Variants in ZNF92 observed in about 807,000 individuals in gnomAD.
ZNF92 encodes the protein zinc finger protein 92.
ZNF92 carries 11 observed loss-of-function variants against 12.4 expected under a neutral mutation model. The ratio of observed to expected loss-of-function variants is 0.89; its 90% CI spans 0.56 to 1.47. The LOEUF (loss-of-function observed/expected upper bound fraction) is 1.47. Ranked by LOEUF, ZNF92 falls within the 40% of genes most tolerant of loss-of-function variation. The pLI, the probability that ZNF92 is intolerant of heterozygous loss-of-function variation, is 0.00. For synonymous variants in ZNF92, 206 were observed against 228.6 expected (o/e 0.90, Z 0.89); for missense variants, 622 against 681.0 (o/e 0.91, Z 0.96).
At chr7:65,391,242 C>G (rs935068826) in intron 3 of ZNF92, among the ~76,000 whole-genome samples, 3 of 152,084 alleles carry the variant, frequency 2.0e-5, no homozygotes, top group African/African-American at 4.8e-5. Context: ...AGCCATGATG[C>G]CTGGCTCTCT....
At chr7:65,383,184 A>T (rs1410286789) in intron 1 of ZNF92, among the ~76,000 whole-genome samples, 8 of 152,112 alleles carry the variant, frequency 5.3e-5, no homozygotes, top group African/African-American at 1.9e-4. Context: ...CTCCCAGTTT[A>T]CAATCTTCAA....
At chr7:65,381,924 G>A (rs1793430033) in intron 1 of ZNF92, among the ~76,000 whole-genome samples, 1 of 152,034 alleles carries the variant, frequency 6.6e-6, no homozygotes, top group African/African-American at 2.4e-5. Flanking sequence ...TGTTGCTGTG[G>A]TAGTGCTCAG....
Position 65,399,319 on chromosome 7 carries a change from G to A in ZNF92, c.1205G>A (p.Cys402Tyr). ...GAAAAACCCTACAAATGTGAAGAAT[G>A]TGGCAAAGCTTTTAAACAGTCCTCA... is the stretch of plus-strand genomic sequence containing the variant. The part of the protein sequence containing the change: ...TGEKPYKCEE[C>Y]GKAFKQSSTL... The change falls in exon 4 of 4, where the codon TGT (cysteine) becomes TAT (tyrosine). Residue 402 changes from cysteine (C) to tyrosine (Y), a missense_variant. Cys to Tyr is a radical substitution (Grantham distance 194). Coordinates refer to ENST00000328747, the MANE Select transcript of ZNF92 (RefSeq NM_152626.4). The A allele has an allele frequency of 6.2e-7, 1 of 1,613,056 alleles. No homozygotes were observed. Among genetic ancestry groups the A allele is most frequent in the Non-Finnish European group, 8.5e-7 (1 of 1,179,554 alleles).
chr7:65,387,470 C>G (rs1024266736), intron 1 of ZNF92, among the ~76,000 whole-genome samples: 39 of 151,562 alleles, frequency 2.6e-4, no homozygotes, highest in Middle Eastern at 3.4e-3. Context: ...TGGTGATCTT[C>G]TTAGAAATTA....
At chr7:65,390,909 G>C (rs1306226021) in intron 3 of ZNF92, among the ~76,000 whole-genome samples, 1 of 152,154 alleles carries the variant, frequency 6.6e-6, no homozygotes, top group Admixed American at 6.5e-5. Context: ...ACCTTTTCCA[G>C]ACTGTGGCTG....
chr7:65,398,306 T>G, intron 3 of ZNF92, 35 bp from the exon 4 acceptor site: 2 of 1,464,062 alleles, frequency 1.4e-6, no homozygotes, highest in Non-Finnish European at 1.8e-6. Flanking sequence ...CTGAGTCTAG[T>G]AAGTGAAGTA....
At chr7:65,377,999 T>G (rs1481689683) in intron 1 of ZNF92, among the ~76,000 whole-genome samples, 5 of 152,184 alleles carry the variant, frequency 3.3e-5, no homozygotes, top group Non-Finnish European at 7.3e-5. Flanking sequence ...ACAAGGGCTT[T>G]CTTTCATAGG....
At chr7:65,394,214 T>A in intron 3 of ZNF92, among the ~76,000 whole-genome samples, 1 of 152,238 alleles carries the variant, frequency 6.6e-6, no homozygotes, top group East Asian at 1.9e-4. Context: ...TGTCTAAGTA[T>A]TTTATTTAAA....
chr7:65,399,466 A>G lies in ZNF92; in HGVS notation c.1352A>G (p.Lys451Arg), dbSNP rs2116416103. 1 of 1,613,598 alleles carries G rather than the reference A, an allele frequency of 6.2e-7. No individual in the cohort carries two copies. Among genetic ancestry groups the G allele is most frequent in the South Asian group, 1.1e-5 (1 of 91,042 alleles). ...CATAAGAGAAATCATATGGAAGATA[A>G]ACCCTACAAATGTGAAGAATGTGGC... ...TKHKRNHMEDKPYKCEECGKA... is the reference protein window; with the variant it reads ...TKHKRNHMEDRPYKCEECGKA... The change falls in exon 4 of 4, where the codon AAA becomes AGA. Residue 451 changes from lysine (K) to arginine (R), a missense_variant. Lys to Arg is a conservative substitution (Grantham distance 26). Coordinates refer to ENST00000328747, the MANE Select transcript of ZNF92 (RefSeq NM_152626.4).
chr7:65,387,152 G>A (rs1199398703), intron 1 of ZNF92, among the ~76,000 whole-genome samples: 2 of 151,830 alleles, frequency 1.3e-5, no homozygotes, highest in African/African-American at 4.8e-5. Flanking sequence ...TGTTAGCCAG[G>A]CTGGTCTCTG....
At chr7:65,375,052 A>C (rs1485671568) in intron 1 of ZNF92, among the ~76,000 whole-genome samples, 1 of 152,116 alleles carries the variant, frequency 6.6e-6, no homozygotes, top group East Asian at 1.9e-4. Flanking sequence ...GCACGTTTTA[A>C]AAGATTTGTT....
chr7:65,380,417 G>A (rs563150399), intron 1 of ZNF92, among the ~76,000 whole-genome samples: 1 of 152,018 alleles, frequency 6.6e-6, no homozygotes, highest in African/African-American at 2.4e-5. Context: ...CAGCGTGCAC[G>A]ACCACGCCTG....
intron 2 of ZNF92, 58 bp from the exon 3 acceptor site, chr7:65,388,746 ACT>A: frequency 7.3e-7 from 1 of 1,378,964 alleles, no homozygotes; most frequent in African/African-American, 1.5e-5. Context: ...TGAGCATATT[ACT>A]ATGTTGGTAA....
In ZNF92 at chr7:65,386,854, C is replaced by T. The variant is rs550843398; in HGVS notation, c.4-1048C>T. Among the ~76,000 whole-genome samples the T allele has an allele frequency of 2.0e-4, 31 of 151,732 alleles. 1 individual carries two copies. Among genetic ancestry groups the T allele is most frequent in the Non-Finnish European group, 4.0e-4 (27 of 67,952 alleles). Reference sequence around the variant, plus strand: ...TAGTTCAGTTGATATTAATGATTCACTTGGTTAAAGAGCTCTCTGACAGAT... The same window carrying T: ...TAGTTCAGTTGATATTAATGATTCATTTGGTTAAAGAGCTCTCTGACAGAT... On this transcript the variant is annotated intron_variant, in intron 1 of 3. Transcript: ENST00000328747.
intron 3 of ZNF92, among the ~76,000 whole-genome samples, chr7:65,393,548 C>T (rs1793776524): frequency 6.6e-6 from 1 of 151,986 alleles, no homozygotes; most frequent in Non-Finnish European, 1.5e-5. Context: ...ATAACAATTC[C>T]ATCTTTAATT....
At chr7:65,378,374 G>T (rs1269405230) in intron 1 of ZNF92, among the ~76,000 whole-genome samples, 1 of 151,942 alleles carries the variant, frequency 6.6e-6, no homozygotes, top group Non-Finnish European at 1.5e-5. Flanking sequence ...ATAAAGTGAG[G>T]TTGTATGTTG....
At chr7:65,382,975 TTAAAC>T (rs2116353587) in intron 1 of ZNF92, among the ~76,000 whole-genome samples, 1 of 152,232 alleles carries the variant, frequency 6.6e-6, no homozygotes, top group South Asian at 2.1e-4. Context: ...TAGCTATAAA[TTAAAC>T]TAATAATGCT....
Position 65,399,091 on chromosome 7 carries a change from C to T in ZNF92, c.977C>T (p.Ser326Leu). 6.2e-7 allele frequency: 1 copy of T among 1,612,674 alleles called. No homozygotes were observed. Among genetic ancestry groups the T allele is most frequent in the Non-Finnish European group, 8.5e-7 (1 of 1,179,306 alleles). The change falls in exon 4 of 4, where the codon TCA (serine) becomes TTA (leucine). Residue 326 changes from serine to leucine, a missense_variant. Ser to Leu is a moderately radical substitution (Grantham distance 145, BLOSUM62 -2). Coordinates refer to ENST00000328747, the MANE Select transcript of ZNF92 (RefSeq NM_152626.4). Reference sequence around the variant, plus strand: ...TGTGGCAAAGCCTTTAGAGTATTCTCAATTCTTAAAAAACATAAGATAATC... The same window carrying T: ...TGTGGCAAAGCCTTTAGAGTATTCTTAATTCTTAAAAAACATAAGATAATC... ...EECGKAFRVF[S>L]ILKKHKIIHT...
intron 1 of ZNF92, among the ~76,000 whole-genome samples, chr7:65,383,973 A>C (rs1291543877): frequency 6.6e-6 from 1 of 152,116 alleles, no homozygotes; most frequent in Non-Finnish European, 1.5e-5. Flanking sequence ...GTGTAAGAGA[A>C]ATGAGTCACG....
Sources: allele counts gnomAD v4.1 joint callset (sites outside exome capture counted in the v4.1 genomes callset), GRCh38; gene constraint gnomAD v4.1.1; transcripts MANE v1.5; gene names NCBI Gene and HGNC (gene_info 2026-07-23, HGNC 2026-07-21).